The following CPED1 variants were observed in gnomAD, a reference collection of about 807,000 sequenced individuals.
CPED1 encodes the protein cadherin-like and PC-esterase domain-containing protein 1.
Under a neutral mutation model 128.2 loss-of-function variants are expected in CPED1, and 114 were observed. The ratio of observed to expected loss-of-function variants is 0.89; its 90% CI spans 0.76 to 1.04. The LOEUF (loss-of-function observed/expected upper bound fraction) is 1.04, where lower values mean the gene tolerates loss of function less well. Among genes scored for constraint, CPED1 ranks in the 50% least tolerant of loss-of-function variants. The pLI is 0.00. For synonymous variants in CPED1, 462 were observed against 426.7 expected (o/e 1.08, Z -1.02); for missense variants, 1,211 against 1,207.1 (o/e 1.00, Z -0.05).
intron 16 of CPED1, among the ~76,000 whole-genome samples, chr7:121,227,364 A>G (rs1584613650): frequency 6.6e-6 from 1 of 152,104 alleles, no homozygotes. Flanking sequence ...TGCTAGAAAC[A>G]GAAAGATTGT....
intron 5 of CPED1, among the ~76,000 whole-genome samples, chr7:121,072,586 G>C (rs1028434048): frequency 6.6e-6 from 1 of 152,102 alleles, no homozygotes; most frequent in Non-Finnish European, 1.5e-5. Context: ...TGTGCTGATG[G>C]TTGAGATGTG....
chr7:120,999,010 T>C (rs1365461659), intron 2 of CPED1, among the ~76,000 whole-genome samples: 1 of 152,164 alleles, frequency 6.6e-6, no homozygotes, highest in Admixed American at 6.5e-5. Flanking sequence ...GTTGATTGGC[T>C]TACTGCTACA....
chr7:121,226,065 GT>G (rs780532989), intron 16 of CPED1, among the ~76,000 whole-genome samples: 3 of 152,064 alleles, frequency 2.0e-5, no homozygotes, highest in Non-Finnish European at 2.9e-5. Context: ...AGGTGCTCTG[GT>G]TTTTAGAATT....
chr7:121,082,825 A>C (rs1794326658), intron 5 of CPED1, among the ~76,000 whole-genome samples: 3 of 152,240 alleles, frequency 2.0e-5, no homozygotes, highest in Admixed American at 2.0e-4. Context: ...AAATAAGAAA[A>C]TAAGAAAGGA....
intron 4 of CPED1, among the ~76,000 whole-genome samples, chr7:121,063,865 T>G (rs1290778434): frequency 6.6e-6 from 1 of 152,164 alleles, no homozygotes; most frequent in Non-Finnish European, 1.5e-5. Flanking sequence ...GTGAAGAATG[T>G]TTATGAAATT....
At chr7:121,030,570 G>C (rs1792703949) in intron 3 of CPED1, among the ~76,000 whole-genome samples, 1 of 152,102 alleles carries the variant, frequency 6.6e-6, no homozygotes, top group Admixed American at 6.6e-5. Flanking sequence ...TTATTTATCA[G>C]ATCGACTTTC....
chr7:121,129,999 T>A, intron 11 of CPED1, 126 bp from the exon 12 acceptor site: 1 of 795,168 alleles, frequency 1.3e-6, no homozygotes, highest in Non-Finnish European at 1.9e-6. Flanking sequence ...TAATTTATGG[T>A]ACTGACCAAT....
At chr7:121,092,059 C>G (rs1312422510) in intron 5 of CPED1, among the ~76,000 whole-genome samples, 2 of 152,126 alleles carry the variant, frequency 1.3e-5, no homozygotes, top group East Asian at 1.9e-4. Flanking sequence ...TGGTGACATT[C>G]TCTCCTATGC....
chr7:121,117,964 A>G lies in CPED1; in HGVS notation c.919-6367A>G, dbSNP rs114533322. ...AGAAAATTTAACTATGTTGTTCTTT[A>G]GAGCAAGTGAAGGATGCCAATCACT... On this transcript the variant is annotated intron_variant, in intron 7 of 22. Transcript: ENST00000310396. Among the ~76,000 whole-genome samples, 681 of 151,702 alleles carry G rather than the reference A, an allele frequency of 4.5e-3. 5 individuals are homozygous for G. Among genetic ancestry groups the G allele is most frequent in the African/African-American group, 0.016 (643 of 41,406 alleles).
intron 5 of CPED1, among the ~76,000 whole-genome samples, chr7:121,071,607 C>G (rs1793991103): frequency 6.6e-6 from 1 of 151,914 alleles, no homozygotes; most frequent in Non-Finnish European, 1.5e-5. Flanking sequence ...CCTTAAATTC[C>G]TGGGTTCAAA....
intron 3 of CPED1, among the ~76,000 whole-genome samples, chr7:121,025,732 A>AT (rs986909618): frequency 5.3e-5 from 8 of 151,572 alleles, no homozygotes; most frequent in African/African-American, 1.9e-4. Context: ...ATCCCCAGTC[A>AT]TTTTTTTCCT....
intron 16 of CPED1, among the ~76,000 whole-genome samples, chr7:121,187,988 C>T (rs1037105270): frequency 6.6e-6 from 1 of 152,024 alleles, no homozygotes; most frequent in Non-Finnish European, 1.5e-5. Flanking sequence ...TCAAACAAAC[C>T]AACTGTTTAA....
At chr7:121,189,760 T>A (rs778609130) in intron 16 of CPED1, among the ~76,000 whole-genome samples, 5 of 47,468 alleles carry the variant, frequency 1.1e-4, no homozygotes, top group Admixed American at 3.2e-4. Context: ...TTATGAGGTT[T>A]TATATATATA....
intron 22 of CPED1, among the ~76,000 whole-genome samples, chr7:121,275,424 T>C (rs1398670021): frequency 2.0e-5 from 3 of 152,140 alleles, no homozygotes; most frequent in Non-Finnish European, 4.4e-5. Context: ...TCCAGGTAGC[T>C]CTTGCCCAAG....
intron 7 of CPED1, among the ~76,000 whole-genome samples, chr7:121,118,579 A>C (rs1584524678): frequency 1.4e-5 from 2 of 141,816 alleles, no homozygotes; most frequent in East Asian, 3.9e-4. Flanking sequence ...AAAAACAGAG[A>C]GAGAAAGAAA....
At chr7:121,090,725 G>C (rs2116184459) in intron 5 of CPED1, among the ~76,000 whole-genome samples, 1 of 152,316 alleles carries the variant, frequency 6.6e-6, no homozygotes, top group Non-Finnish European at 1.5e-5. Flanking sequence ...AAGGAGGGCA[G>C]ATCTCCTGAG....
intron 5 of CPED1, among the ~76,000 whole-genome samples, chr7:121,093,151 T>A (rs1794612363): frequency 6.6e-6 from 1 of 152,146 alleles, no homozygotes; most frequent in Non-Finnish European, 1.5e-5. Flanking sequence ...CCTACTGACA[T>A]TCTAGACACT....
In CPED1 at chr7:121,264,192, T is replaced by C. The variant is rs1457686087; in HGVS notation, c.2311-2035T>C. Among the ~76,000 whole-genome samples the C allele has an allele frequency of 2.0e-5, 3 of 152,018 alleles. No homozygotes were observed. The East Asian group carries it at 5.8e-4, about 29-fold the overall frequency. Reference sequence around the variant, plus strand: ...ATGTTGGACTTCTAGCCTCCAGAAATATGAGAAAATTAATTTCTGTTGTTG... The same window carrying C: ...ATGTTGGACTTCTAGCCTCCAGAAACATGAGAAAATTAATTTCTGTTGTTG... On this transcript the variant is annotated intron_variant, in intron 18 of 22. Coordinates refer to ENST00000310396, the MANE Select transcript of CPED1 (RefSeq NM_024913.5).
At chr7:121,036,255 G>A (rs768877555) in intron 3 of CPED1, among the ~76,000 whole-genome samples, 35 of 152,132 alleles carry the variant, frequency 2.3e-4, no homozygotes, top group Non-Finnish European at 4.1e-4. Context: ...CCAATGCGTA[G>A]TCTTTTCTCT....
Sources: gnomAD v4.1 joint callset for allele counts (sites outside exome capture counted in the v4.1 genomes callset) on GRCh38, gnomAD v4.1.1 for gene constraint, MANE v1.5 for transcripts, NCBI Gene and HGNC (gene_info 2026-07-23, HGNC 2026-07-21) for gene names.